DPF3: variants seen among roughly 807,000 people sequenced by gnomAD.
The protein encoded by DPF3 is double PHD fingers 3.
In DPF3, 18 loss-of-function variants were observed where a neutral mutation model predicts 56.8. That is an observed-to-expected ratio of 0.32 (90% CI 0.22 to 0.47). DPF3 has a LOEUF of 0.47. DPF3 is among the 20% of genes least tolerant of loss of function. DPF3 has a pLI of 1.00. For synonymous variants in DPF3, 188 were observed against 180.2 expected, an observed-to-expected ratio of 1.04 and a Z score of -0.35; for missense variants, 403 against 488.8, an observed-to-expected ratio of 0.82 and a Z score of 1.65.
intron 5 of DPF3, among the ~76,000 whole-genome samples, chr14:72,722,675 A>C (rs1387470014): frequency 1.3e-5 from 2 of 152,202 alleles, no homozygotes; most frequent in Non-Finnish European, 2.9e-5. Context: ...CTCAAGCCTG[A>C]GAGTCCATTT....
chr14:72,747,625 CAAA>C (rs1030427221), intron 3 of DPF3, among the ~76,000 whole-genome samples: 1 of 77,570 alleles, frequency 1.3e-5, no homozygotes, highest in African/African-American at 5.0e-5. Context: ...CCCGTCTCTA[CAAA>C]AAAAAAAAAA....
chr14:72,875,156 C>T (rs1385478446), intron 1 of DPF3, among the ~76,000 whole-genome samples: 1 of 152,190 alleles, frequency 6.6e-6, no homozygotes, highest in Non-Finnish European at 1.5e-5. Flanking sequence ...ATTACCTCCC[C>T]ATGGGTCTCT....
chr14:72,658,949 C>A (rs1886129321), intron 8 of DPF3, among the ~76,000 whole-genome samples: 1 of 152,022 alleles, frequency 6.6e-6, no homozygotes, highest in Admixed American at 6.5e-5. Context: ...TCATTTATCA[C>A]CAACACTGAA....
Position 72,786,634 on chromosome 14 carries a change from G to C in DPF3, c.33-14741C>G, listed in dbSNP as rs78877878. On this transcript the variant is annotated intron_variant, in intron 1 of 10. Transcript: ENST00000556509. ...ACTCCTGGTTTTTAACATAAGCCTT[G>C]AATAATGAAAAGCCTCCACCCTCAG... 5.9e-5 allele frequency among the ~76,000 whole-genome samples: 9 copies of C among 152,222 alleles called. No homozygotes were observed. In the East Asian group the frequency reaches 1.7e-3, roughly 29 times the overall value.
At chr14:72,683,770 A>C (rs1387193636) in intron 7 of DPF3, among the ~76,000 whole-genome samples, 1 of 152,202 alleles carries the variant, frequency 6.6e-6, no homozygotes, top group Non-Finnish European at 1.5e-5. Flanking sequence ...TGGAATTCAT[A>C]GATCCAGGGT....
chr14:72,832,136 G>C (rs12431973), intron 1 of DPF3, among the ~76,000 whole-genome samples: 1 of 152,080 alleles, frequency 6.6e-6, no homozygotes, highest in African/African-American at 2.4e-5. Context: ...AGGATCGCTT[G>C]AGCCCAGGAG....
chr14:72,672,054 C>CACAG (rs1227710549), intron 8 of DPF3, among the ~76,000 whole-genome samples: 31 of 120,158 alleles, frequency 2.6e-4, no homozygotes, highest in African/African-American at 9.5e-4. Context: ...CACACACACA[C>CACAG]ACACAGACAC....
intron 8 of DPF3, among the ~76,000 whole-genome samples, chr14:72,646,012 C>A (rs1885713430): frequency 6.6e-6 from 1 of 152,144 alleles, no homozygotes; most frequent in African/African-American, 2.4e-5. Context: ...GCAGTTTTAA[C>A]AAGATCCCCA....
intron 1 of DPF3, among the ~76,000 whole-genome samples, chr14:72,874,084 G>A (rs1599515690): frequency 2.4e-5 from 3 of 123,548 alleles, no homozygotes; most frequent in Admixed American, 8.5e-5. Flanking sequence ...AAAAAAAAAA[G>A]AATCTAGAAA....
intron 1 of DPF3, among the ~76,000 whole-genome samples, chr14:72,873,942 G>T (rs1886005874): frequency 6.6e-6 from 1 of 151,766 alleles, no homozygotes; most frequent in Admixed American, 6.6e-5. Context: ...GGGAAGGGGA[G>T]GGATAGCATT....
intron 3 of DPF3, among the ~76,000 whole-genome samples, chr14:72,745,679 T>C (rs1189614567): frequency 1.3e-5 from 2 of 152,148 alleles, no homozygotes; most frequent in African/African-American, 4.8e-5. Flanking sequence ...CCCCTCTCCT[T>C]GGGAAGGTCA....
At chr14:72,732,564 C>T (rs1200608883) in intron 3 of DPF3, among the ~76,000 whole-genome samples, 2 of 152,322 alleles carry the variant, frequency 1.3e-5, no homozygotes, top group South Asian at 2.1e-4. Context: ...GGAGCGACGG[C>T]GAATGCCTCA....
intron 8 of DPF3, among the ~76,000 whole-genome samples, chr14:72,632,207 C>T (rs899095599): frequency 2.0e-5 from 3 of 152,220 alleles, no homozygotes; most frequent in Non-Finnish European, 2.9e-5. Context: ...CACTCTTTAG[C>T]ATGAGTGCTA....
chr14:72,665,084 A>C (rs1711913770), intron 8 of DPF3, among the ~76,000 whole-genome samples: 1 of 152,178 alleles, frequency 6.6e-6, no homozygotes, highest in Admixed American at 6.5e-5. Flanking sequence ...ATTCAACAGC[A>C]ACGGTCCATC....
intron 8 of DPF3, among the ~76,000 whole-genome samples, chr14:72,647,833 G>T (rs943158944): frequency 1.3e-5 from 2 of 152,180 alleles, no homozygotes; most frequent in African/African-American, 4.8e-5. Flanking sequence ...GCTAGCAGTA[G>T]CAAGATTGGT....
intron 8 of DPF3, among the ~76,000 whole-genome samples, chr14:72,666,473 T>C (rs906649460): frequency 2.6e-5 from 4 of 152,222 alleles, no homozygotes; most frequent in African/African-American, 7.2e-5. Flanking sequence ...GAAGTCAGTA[T>C]AGACTTAGGA....
intron 3 of DPF3, among the ~76,000 whole-genome samples, chr14:72,745,973 T>A (rs1890306821): frequency 6.6e-6 from 1 of 152,206 alleles, no homozygotes; most frequent in African/African-American, 2.4e-5. Context: ...GCAGAGCCTC[T>A]GGAAGTTGGG....
intron 4 of DPF3, among the ~76,000 whole-genome samples, chr14:72,730,889 T>G (rs1038404546): frequency 2.6e-5 from 4 of 152,062 alleles, no homozygotes; most frequent in Non-Finnish European, 5.9e-5. Flanking sequence ...AGGTGTGAAG[T>G]CAGGTGCAGT....
At chr14:72,785,880 C>T (rs1892189392) in intron 1 of DPF3, among the ~76,000 whole-genome samples, 2 of 152,116 alleles carry the variant, frequency 1.3e-5, no homozygotes, top group African/African-American at 4.8e-5. Flanking sequence ...AAGAGAAATG[C>T]CAGAAAGTCA....
Sources: gnomAD v4.1 joint callset for allele counts (sites outside exome capture counted in the v4.1 genomes callset) on GRCh38, gnomAD v4.1.1 for gene constraint, MANE v1.5 for transcripts, NCBI Gene and HGNC (gene_info 2026-07-23, HGNC 2026-07-21) for gene names.